PPP2R3A: variants seen among roughly 807,000 people sequenced by gnomAD.
PPP2R3A encodes the protein serine/threonine-protein phosphatase 2A regulatory subunit B'' subunit alpha.
In PPP2R3A, 80 loss-of-function variants were observed where a neutral mutation model predicts 106.9. The observed-to-expected ratio is 0.75, with a 90% CI of 0.62 to 0.90. The LOEUF (loss-of-function observed/expected upper bound fraction) is 0.90. PPP2R3A is among the 40% of genes least tolerant of loss of function. PPP2R3A has a pLI of 0.00. For missense variants in PPP2R3A, 1,386 were observed against 1,350.4 expected (o/e 1.03, Z -0.41); for synonymous variants, 483 against 468.3 (o/e 1.03, Z -0.41).
chr3:136,056,418 C>T (rs1418291419), intron 5 of PPP2R3A, among the ~76,000 whole-genome samples: 6 of 151,760 alleles, frequency 4.0e-5, no homozygotes, highest in Non-Finnish European at 5.9e-5. Context: ...GGAATCTGGG[C>T]GCAGGGTATA....
intron 2 of PPP2R3A, among the ~76,000 whole-genome samples, chr3:136,018,053 G>A (rs1235665638): frequency 6.6e-6 from 1 of 152,226 alleles, no homozygotes; most frequent in Non-Finnish European, 1.5e-5. Context: ...GATTGCTTGA[G>A]CCCAGGAGTT....
chr3:136,137,533 G>GTTTTTTTTTTTTTTTTT (rs1559941176), intron 13 of PPP2R3A, among the ~76,000 whole-genome samples: 1 of 38,440 alleles, frequency 2.6e-5, no homozygotes, highest in Non-Finnish European at 6.0e-5. Context: ...CTCTGTCAGA[G>GTTTTTTTTTTTTTTTTT]ATTTTTTTTT....
At chr3:136,108,709 TC>T (rs2107978969) in intron 13 of PPP2R3A, among the ~76,000 whole-genome samples, 1 of 151,936 alleles carries the variant, frequency 6.6e-6, no homozygotes, top group South Asian at 2.1e-4. Context: ...GTTTTTTTTT[TC>T]CAGTTTTAAA....
intron 3 of PPP2R3A, among the ~76,000 whole-genome samples, chr3:136,031,489 CA>C (rs1300937345): frequency 1.8e-4 from 28 of 152,176 alleles, no homozygotes; most frequent in African/African-American, 6.5e-4. Flanking sequence ...TTTCACCATG[CA>C]AAACCTCTTT....
chr3:136,143,976 T>A (rs1438633707), intron 13 of PPP2R3A, among the ~76,000 whole-genome samples: 1 of 152,250 alleles, frequency 6.6e-6, no homozygotes, highest in African/African-American at 2.4e-5. Context: ...GCCAGTGATG[T>A]CAAATACTAT....
intron 13 of PPP2R3A, among the ~76,000 whole-genome samples, chr3:136,142,313 CAGT>C (rs1938909759): frequency 6.6e-6 from 1 of 152,158 alleles, no homozygotes; most frequent in African/African-American, 2.4e-5. Context: ...AGGACCCACT[CAGT>C]GGTGACAGTC....
chr3:136,077,712 T>C (rs1428873326), intron 6 of PPP2R3A, among the ~76,000 whole-genome samples: 1 of 152,102 alleles, frequency 6.6e-6, no homozygotes, highest in Non-Finnish European at 1.5e-5. Context: ...ACACACATCC[T>C]CAATCTAGAC....
intron 13 of PPP2R3A, among the ~76,000 whole-genome samples, chr3:136,141,132 T>A (rs1938857032): frequency 6.6e-6 from 1 of 152,194 alleles, no homozygotes; most frequent in South Asian, 2.1e-4. Flanking sequence ...AGGAACAGAT[T>A]TAATTATGTA....
chr3:135,972,389 C>T (rs115980642), intron 1 of PPP2R3A, among the ~76,000 whole-genome samples: 3,143 of 152,234 alleles, frequency 0.021, 114 homozygotes, highest in African/African-American at 0.071. Context: ...TTGTTTACAC[C>T]TTTTGGCTCT....
chr3:136,056,751 C>A (rs946328020), intron 5 of PPP2R3A, among the ~76,000 whole-genome samples: 2 of 151,990 alleles, frequency 1.3e-5, no homozygotes, highest in Non-Finnish European at 2.9e-5. Context: ...TAAAAAACTT[C>A]TGCACAGTCA....
intron 6 of PPP2R3A, among the ~76,000 whole-genome samples, chr3:136,075,539 A>G (rs916510595): frequency 2.6e-5 from 4 of 152,230 alleles, no homozygotes; most frequent in African/African-American, 9.6e-5. Context: ...ACATTGTCTT[A>G]TAGTATTAGA....
chr3:136,087,858 CA>C, intron 8 of PPP2R3A, 24 bp from the exon 9 acceptor site: 3 of 1,585,586 alleles, frequency 1.9e-6, no homozygotes, highest in Non-Finnish European at 2.6e-6. Flanking sequence ...ACTAGCTTTG[CA>C]ATTTTTTTTT....
At chr3:136,012,628 G>C (rs916175299) in intron 2 of PPP2R3A, among the ~76,000 whole-genome samples, 2 of 151,718 alleles carry the variant, frequency 1.3e-5, no homozygotes, top group Admixed American at 6.6e-5. Context: ...TAGTAACACA[G>C]AACAAGCCAC....
intron 13 of PPP2R3A, among the ~76,000 whole-genome samples, chr3:136,108,212 G>GACACACACGCACACACACAC (rs1937546128): frequency 6.6e-6 from 1 of 151,376 alleles, no homozygotes; most frequent in African/African-American, 2.4e-5. Context: ...GCTAGACCCT[G>GACACACACGCACACACACAC]ACACACACAC....
intron 13 of PPP2R3A, among the ~76,000 whole-genome samples, chr3:136,127,740 A>G (rs535343039): frequency 2.0e-5 from 3 of 152,334 alleles, no homozygotes; most frequent in African/African-American, 7.2e-5. Flanking sequence ...AATGAAGGAG[A>G]AAGTGCTAAG....
intron 5 of PPP2R3A, among the ~76,000 whole-genome samples, chr3:136,059,868 C>G (rs1936017449): frequency 6.6e-6 from 1 of 152,172 alleles, no homozygotes; most frequent in Non-Finnish European, 1.5e-5. Flanking sequence ...CTTAGCAAAC[C>G]TAACACAAAA....
At chr3:136,122,993 A>G (rs1241267148) in intron 13 of PPP2R3A, among the ~76,000 whole-genome samples, 1 of 152,198 alleles carries the variant, frequency 6.6e-6, no homozygotes, top group East Asian at 1.9e-4. Flanking sequence ...AACTAAGCAA[A>G]CTAAGATAAG....
intron 1 of PPP2R3A, among the ~76,000 whole-genome samples, chr3:135,969,351 G>A (rs1937175969): frequency 6.6e-6 from 1 of 152,182 alleles, no homozygotes; most frequent in Non-Finnish European, 1.5e-5. Context: ...AGGCGTAATT[G>A]ATAGGATTTG....
rs1939072202 is a variant in PPP2R3A at position 136,145,235 on chromosome 3, GTTTGCATACTGCT to G, written c.*73_*85del. 6.6e-7 allele frequency: 1 copy of G among 1,518,226 alleles called. No homozygotes were observed. The highest frequency in any genetic ancestry group is 8.8e-7 in the Non-Finnish European group (1 of 1,131,800). 94.0% of individuals were successfully genotyped at this position (1,518,226 alleles called of 1,614,324 possible). A position where few individuals can be genotyped will look rare whatever the true frequency, so the allele number is the denominator to read the frequency against. ...TTCTTTCTTGTGAAGAGATGTTCTC[GTTTGCATACTGCT>G]TTTTAAAGACTTTGATTTCTCCAAG... On this transcript the variant is annotated 3_prime_UTR_variant, in exon 14 of 14. Coordinates refer to ENST00000264977, the MANE Select transcript of PPP2R3A (RefSeq NM_002718.5).
Sources: gnomAD v4.1 joint callset for allele counts (sites outside exome capture counted in the v4.1 genomes callset) on GRCh38, gnomAD v4.1.1 for gene constraint, MANE v1.5 for transcripts, NCBI Gene and HGNC (gene_info 2026-07-23, HGNC 2026-07-21) for gene names.